XPA: variants seen among roughly 807,000 people sequenced by gnomAD.
XPA encodes XPA, DNA damage recognition and repair factor.
A neutral mutation model predicts 35.7 loss-of-function variants in XPA; 27 were observed. The ratio of observed to expected loss-of-function variants is 0.76; its 90% CI spans 0.56 to 1.04. The LOEUF is 1.04. XPA is among the 50% of genes least tolerant of loss of function. XPA has a pLI of 0.00. For synonymous variants in XPA, 133 were observed against 118.4 expected, an observed-to-expected ratio of 1.12 and a Z score of -0.80; for missense variants, 354 against 342.7, an observed-to-expected ratio of 1.03 and a Z score of -0.26.
At chr9:97,681,961 C>T (rs1828556010) in intron 5 of XPA, among the ~76,000 whole-genome samples, 1 of 152,090 alleles carries the variant, frequency 6.6e-6, no homozygotes, top group Non-Finnish European at 1.5e-5. Context: ...GTTTTGATAC[C>T]AGTTAAAAAA....
At chr9:97,655,373 C>T in the XPA span, among the ~76,000 whole-genome samples, 1 of 151,932 alleles carries the variant, frequency 6.6e-6, no homozygotes, top group Non-Finnish European at 1.5e-5. Flanking sequence ...AGCCACTGCA[C>T]CTGGCCTACA....
At chr9:97,662,285 G>A in the XPA span, 2 of 620,312 alleles carry the variant, frequency 3.2e-6, no homozygotes, top group East Asian at 5.7e-5. Flanking sequence ...TGGGTTTGTG[G>A]TAGCTGAAAT....
intron 4 of XPA, among the ~76,000 whole-genome samples, chr9:97,685,243 A>T (rs1015261275): frequency 4.6e-5 from 7 of 152,248 alleles, no homozygotes; most frequent in Non-Finnish European, 8.8e-5. Flanking sequence ...TGAAACTGTC[A>T]GTAAACGTAT....
chr9:97,665,514 T>A, the XPA span, among the ~76,000 whole-genome samples: 1 of 152,206 alleles, frequency 6.6e-6, no homozygotes, highest in Non-Finnish European at 1.5e-5. Context: ...CTCCATCTGT[T>A]CTTTAACACC....
chr9:97,697,030 C>A lies in XPA; in HGVS notation c.172+91G>T, dbSNP rs1344139997. ...ACATACGCCAGCGGAGTTGACGCGACCCCCGGGCCCCGGGACTCGGCTTGC... is the reference window on the plus strand; with the variant it reads ...ACATACGCCAGCGGAGTTGACGCGAACCCCGGGCCCCGGGACTCGGCTTGC... On this transcript the variant is annotated intron_variant, in intron 1 of 5. Transcript: ENST00000375128. 5.6e-6 allele frequency: 8 copies of A among 1,422,720 alleles called. No homozygotes were observed. The African/African-American group carries it at 1.2e-4, about 21-fold the overall frequency. 88.1% of individuals were successfully genotyped at this position (1,422,720 alleles called of 1,614,324 possible). A position where few individuals can be genotyped will look rare whatever the true frequency, so the allele number is the denominator to read the frequency against.
chr9:97,697,172 C>A lies in XPA; in HGVS notation c.121G>T (p.Ala41Ser), dbSNP rs1829077718. The A allele has an allele frequency of 6.3e-7, 1 of 1,585,924 alleles. No homozygotes were observed. Among genetic ancestry groups the A allele is most frequent in the Non-Finnish European group, 8.5e-7 (1 of 1,170,142 alleles). Reference protein sequence around the residue: ...KRQRALMLRQARLAARPYSAT... With the variant: ...KRQRALMLRQSRLAARPYSAT... Reference sequence around the variant, plus strand: ...GAGTAGGGCCGGGCAGCCAGCCGGGCCTGGCGCAGCATCAGTGCCCGCTGC... The same window carrying A: ...GAGTAGGGCCGGGCAGCCAGCCGGGACTGGCGCAGCATCAGTGCCCGCTGC... Residue 41 changes from alanine to serine, a missense_variant, in exon 1 of 6, where the codon GCC becomes TCC. Transcript: ENST00000375128.
chr9:97,690,311 A>G (rs2131401177), intron 2 of XPA, among the ~76,000 whole-genome samples: 1 of 152,328 alleles, frequency 6.6e-6, no homozygotes, highest in South Asian at 2.1e-4. Context: ...CTCGGGTTCA[A>G]GCGATTCTCC....
At chr9:97,677,508 TTAAAA>T (rs1828402557) in intron 5 of XPA, among the ~76,000 whole-genome samples, 1 of 151,958 alleles carries the variant, frequency 6.6e-6, no homozygotes, top group Admixed American at 6.6e-5. Context: ...CCCCAATCTC[TTAAAA>T]TAAATAAATA....
At chr9:97,690,081 A>G (rs1323040216) in intron 2 of XPA, among the ~76,000 whole-genome samples, 1 of 152,346 alleles carries the variant, frequency 6.6e-6, no homozygotes. Flanking sequence ...TCCAGCTTCT[A>G]TAGGCTGCCT....
intron 3 of XPA, among the ~76,000 whole-genome samples, chr9:97,688,623 C>T (rs919486083): frequency 2.0e-5 from 3 of 152,132 alleles, no homozygotes; most frequent in Admixed American, 6.5e-5. Context: ...GACGACAATA[C>T]TGTGGACTTT....
At chr9:97,666,742 C>T in the XPA span, 2 of 1,486,390 alleles carry the variant, frequency 1.3e-6, no homozygotes, top group Non-Finnish European at 1.8e-6. Flanking sequence ...ATACAGTAAC[C>T]AAATGCCATA....
the XPA span, among the ~76,000 whole-genome samples, chr9:97,665,894 C>T: frequency 6.6e-6 from 1 of 152,102 alleles, no homozygotes; most frequent in Admixed American, 6.5e-5. Context: ...TGTGTTATAT[C>T]CTGTATTCTT....
chr9:97,658,555 G>C, the XPA span: 1 of 1,016,304 alleles, frequency 9.8e-7, no homozygotes, highest in Non-Finnish European at 1.5e-6. Flanking sequence ...AGTTGTTGGA[G>C]ATCATGACTT....
At chr9:97,676,521 A>G (rs936689495) in intron 5 of XPA, among the ~76,000 whole-genome samples, 2 of 152,240 alleles carry the variant, frequency 1.3e-5, no homozygotes, top group Non-Finnish European at 2.9e-5. Context: ...CTATAAAAAT[A>G]ACATACATCA....
At chr9:97,662,131 A>G in the XPA span, 1 of 1,612,512 alleles carries the variant, frequency 6.2e-7, no homozygotes, top group South Asian at 1.1e-5. Flanking sequence ...CCACTCCTTC[A>G]GTGCTCTTGC....
rs3176668 is a variant in XPA at position 97,689,859 on chromosome 9, T to G, written c.284-220A>C. Among the ~76,000 whole-genome samples the G allele has an allele frequency of 0.12, 17,915 of 152,104 alleles. 2,989 individuals carry two copies. Among genetic ancestry groups the G allele is most frequent in the African/African-American group, 0.36 (15,110 of 41,408 alleles). ...AAAACGTAGCAATTCCACAAATATT[T>G]CTGAATCCCAGCCATGTACAAGGTA... is the stretch of plus-strand genomic sequence containing the variant. On this transcript the variant is annotated intron_variant, in intron 2 of 5. Transcript: ENST00000375128.
At chr9:97,676,211 G>A (rs373113665) in intron 5 of XPA, among the ~76,000 whole-genome samples, 1 of 152,256 alleles carries the variant, frequency 6.6e-6, no homozygotes, top group East Asian at 1.9e-4. Flanking sequence ...AAGAACCACA[G>A]AGTTTTGATT....
intron 1 of XPA, 50 bp downstream of exon 1, chr9:97,697,071 G>C: frequency 6.7e-7 from 1 of 1,501,216 alleles, no homozygotes. Context: ...CCAGTCTGGG[G>C]ACCGGGGAGG....
chr9:97,687,369 A>T, intron 3 of XPA, 108 bp from the exon 4 acceptor site: 1 of 922,570 alleles, frequency 1.1e-6, no homozygotes, highest in Non-Finnish European at 1.6e-6. Context: ...CATATAAAAT[A>T]CTTTTTCCTG....
Sources: allele counts gnomAD v4.1 joint callset (sites outside exome capture counted in the v4.1 genomes callset), GRCh38; gene constraint gnomAD v4.1.1; transcripts MANE v1.5; gene names NCBI Gene and HGNC (gene_info 2026-07-23, HGNC 2026-07-21).